KIF13A: variants seen among roughly 807,000 people sequenced by gnomAD.
KIF13A encodes the protein kinesin family member 13A, also known as kinesin-like protein KIF13A.
In KIF13A, 79 loss-of-function variants were observed where a neutral mutation model predicts 212.2. The observed-to-expected ratio is 0.37, with a 90% CI of 0.31 to 0.45. KIF13A has a LOEUF of 0.45. Among genes scored for constraint, KIF13A ranks in the 20% least tolerant of loss-of-function variants. The pLI is 1.00. For missense variants in KIF13A, 1,901 were observed against 2,209.0 expected, an observed-to-expected ratio of 0.86 and a Z score of 2.79; for synonymous variants, 789 against 808.6, an observed-to-expected ratio of 0.98 and a Z score of 0.41.
chr6:17,770,861 G>C (rs1042328728), intron 38 of KIF13A: 4 of 634,842 alleles, frequency 6.3e-6, no homozygotes, highest in Non-Finnish European at 9.2e-6. Flanking sequence ...TTTTATAAAG[G>C]CCAGAAGCAA....
chr6:17,792,864 G>GCC (rs1442327592), intron 25 of KIF13A, among the ~76,000 whole-genome samples: 1 of 152,192 alleles, frequency 6.6e-6, no homozygotes, highest in Non-Finnish European at 1.5e-5. Context: ...AACTAAGATA[G>GCC]AAGAGAAAAC....
chr6:17,983,410 G>A (rs970660221), intron 2 of KIF13A, among the ~76,000 whole-genome samples: 1 of 151,388 alleles, frequency 6.6e-6, no homozygotes, highest in African/African-American at 2.4e-5. Context: ...GCAAGTTAGG[G>A]ATTCTCATTC....
intron 4 of KIF13A, among the ~76,000 whole-genome samples, chr6:17,860,945 C>T (rs1562067174): frequency 6.6e-6 from 1 of 152,048 alleles, no homozygotes; most frequent in East Asian, 1.9e-4. Flanking sequence ...CACTTTTTTA[C>T]TAATACCCAC....
At chr6:17,930,699 G>C (rs571794341) in intron 2 of KIF13A, among the ~76,000 whole-genome samples, 1 of 152,278 alleles carries the variant, frequency 6.6e-6, no homozygotes, top group East Asian at 1.9e-4. Flanking sequence ...ATAGACCACA[G>C]GGCTGGGAAA....
intron 31 of KIF13A, 29 bp downstream of exon 31, chr6:17,780,701 A>G: frequency 6.2e-7 from 1 of 1,603,762 alleles, no homozygotes; most frequent in Non-Finnish European, 8.5e-7. Context: ...GCTCAGAGCC[A>G]GAATGGCACA....
chr6:17,763,702 GAC>G lies in KIF13A; in HGVS notation c.*406_*407del, dbSNP rs1758703669. 1.2e-5 allele frequency: 4 copies of G among 337,622 alleles called. No individual in the cohort carries two copies. The highest frequency in any genetic ancestry group is 1.8e-5 in the Non-Finnish European group (4 of 228,346). 20.9% of individuals were successfully genotyped at this position (337,622 alleles called of 1,614,324 possible). A position where few individuals can be genotyped will look rare whatever the true frequency, so the allele number is the denominator to read the frequency against. ...TGGGGTGTCTTACAACTGTTGATAT[GAC>G]AGAGTTTAATTGGCAGTATTTTTTC... On this transcript the variant is annotated 3_prime_UTR_variant, in exon 39 of 39. Transcript: ENST00000259711.
intron 4 of KIF13A, among the ~76,000 whole-genome samples, chr6:17,863,992 T>C (rs940350828): frequency 6.6e-6 from 1 of 152,148 alleles, no homozygotes; most frequent in Non-Finnish European, 1.5e-5. Context: ...ACGCAATATC[T>C]CCACCCTAAA....
Position 17,937,576 on chromosome 6 carries a change from T to G in KIF13A, c.147-39396A>C, listed in dbSNP as rs1776575212. Reference sequence around the variant, plus strand: ...GTACTTTTAAAATACAGCATTGAAGTGATTTATTTGAGGTCTTTGCTAAGT... The same window carrying G: ...GTACTTTTAAAATACAGCATTGAAGGGATTTATTTGAGGTCTTTGCTAAGT... On this transcript the variant is annotated intron_variant, in intron 2 of 38. Transcript: ENST00000259711. 2.6e-5 allele frequency among the ~76,000 whole-genome samples: 4 copies of G among 152,066 alleles called. No homozygotes were observed. In the South Asian group the frequency reaches 8.3e-4, roughly 32 times the overall value.
chr6:17,882,664 C>T (rs1470088256), intron 3 of KIF13A, among the ~76,000 whole-genome samples: 19 of 151,826 alleles, frequency 1.3e-4, no homozygotes, highest in Admixed American at 1.1e-3. Flanking sequence ...CAGGTTCGAG[C>T]GATTCCCTTG....
chr6:17,980,715 C>T (rs2150638999), intron 2 of KIF13A, among the ~76,000 whole-genome samples: 1 of 152,140 alleles, frequency 6.6e-6, no homozygotes, highest in South Asian at 2.1e-4. Flanking sequence ...CCAGGCAAAA[C>T]AAAAAGTTTT....
chr6:17,975,703 A>T (rs1228628394), intron 2 of KIF13A, among the ~76,000 whole-genome samples: 3 of 152,158 alleles, frequency 2.0e-5, no homozygotes, highest in African/African-American at 7.2e-5. Flanking sequence ...TGCGTTTACA[A>T]TCCCTGAGCT....
chr6:17,987,332 G>A lies in KIF13A; in HGVS notation c.55+77C>T. 2 of 1,102,952 alleles carry A rather than the reference G, an allele frequency of 1.8e-6. No homozygotes were observed. The allele number at this position is 1,102,952 out of a possible 1,614,324, so 68.3% of individuals were successfully genotyped here. Reference sequence around the variant, plus strand: ...CCCCGGCCCCGGCCGCGCTCTCGCCGTCCCGGCCCCGCAGTTTCTAAAGTT... The same window carrying A: ...CCCCGGCCCCGGCCGCGCTCTCGCCATCCCGGCCCCGCAGTTTCTAAAGTT... On this transcript the variant is annotated intron_variant, in intron 1 of 38. Coordinates refer to ENST00000259711, the MANE Select transcript of KIF13A (RefSeq NM_022113.6). The surrounding 1 kb of genome is among the most constrained non-coding windows in gnomAD (Gnocchi z 7.7).
chr6:17,794,447 C>A lies in KIF13A; in HGVS notation c.3076-52G>T. 2 of 1,580,380 alleles carry A rather than the reference C, an allele frequency of 1.3e-6. No individual in the cohort carries two copies. The highest frequency in any genetic ancestry group is 1.7e-6 in the Non-Finnish European group (2 of 1,157,452). ...TGCCAGGAATGATAATGAAAAGGAA[C>A]GGGATAAAGAAGGGGAAAAGGATTA... On this transcript the variant is annotated intron_variant, in intron 24 of 38. Coordinates refer to ENST00000259711, the MANE Select transcript of KIF13A (RefSeq NM_022113.6). The surrounding 1 kb of genome is among the most constrained non-coding windows in gnomAD (Gnocchi z 4.1).
Position 17,821,775 on chromosome 6 carries a change from C to A in KIF13A, c.1786+3993G>T. 2.0e-6 allele frequency: 3 copies of A among 1,535,092 alleles called. 1 individual carries two copies. In the South Asian group the frequency reaches 3.6e-5, roughly 18 times the overall value. Reference sequence around the variant, plus strand: ...CAAGCTCCCTCATGCCAATGCCAATCAGTTAAAAACCTTTATCCCAGTGTT... The same window carrying A: ...CAAGCTCCCTCATGCCAATGCCAATAAGTTAAAAACCTTTATCCCAGTGTT... On this transcript the variant is annotated intron_variant, in intron 16 of 38. Transcript: ENST00000259711.
intron 3 of KIF13A, among the ~76,000 whole-genome samples, chr6:17,874,757 C>T (rs1440998046): frequency 6.6e-6 from 1 of 151,590 alleles, no homozygotes; most frequent in African/African-American, 2.4e-5. Flanking sequence ...GTCTTTTATC[C>T]CTCGCCCCTC....
At chr6:17,945,855 G>A (rs1190471010) in intron 2 of KIF13A, among the ~76,000 whole-genome samples, 3 of 152,100 alleles carry the variant, frequency 2.0e-5, no homozygotes, top group African/African-American at 7.2e-5. Context: ...CGAAACAGAA[G>A]AGACGGCCCT....
chr6:17,863,736 C>A (rs1311345645), intron 4 of KIF13A, among the ~76,000 whole-genome samples: 17 of 152,130 alleles, frequency 1.1e-4, no homozygotes, highest in Admixed American at 1.1e-3. Flanking sequence ...TATCAAGAAC[C>A]CTCATATGGT....
chr6:17,849,774 G>A lies in KIF13A; in HGVS notation c.718-285C>T, dbSNP rs1010819722. ...TGGAGATTTAAAATGCCTATGAGGA[G>A]ATATGAGGACATGAGGATTTCTGCA... On this transcript the variant is annotated intron_variant, in intron 8 of 38. Coordinates refer to ENST00000259711, the MANE Select transcript of KIF13A (RefSeq NM_022113.6). The surrounding 1 kb of genome is among the most constrained non-coding windows in gnomAD (Gnocchi z 5.7). 1.8e-4 allele frequency among the ~76,000 whole-genome samples: 27 copies of A among 152,292 alleles called. No individual in the cohort carries two copies. The highest frequency in any genetic ancestry group is 5.8e-4 in the African/African-American group (24 of 41,580).
In KIF13A at chr6:17,776,965, G is replaced by A. The variant is rs922506532; in HGVS notation, c.4170+312C>T. 1.3e-5 allele frequency among the ~76,000 whole-genome samples: 2 copies of A among 152,202 alleles called. No homozygotes were observed. Among genetic ancestry groups the A allele is most frequent in the South Asian group, 2.1e-4 (1 of 4,828 alleles). ...AAAAACTGACCCTGGAGCAGCCAGCGTCCAGGGACTCGGGTGCAAGTATTC... is the reference window on the plus strand; with the variant it reads ...AAAAACTGACCCTGGAGCAGCCAGCATCCAGGGACTCGGGTGCAAGTATTC... On this transcript the variant is annotated intron_variant, in intron 34 of 38. Coordinates refer to ENST00000259711, the MANE Select transcript of KIF13A (RefSeq NM_022113.6). This position sits in a 1 kb window ranked among gnomAD's most constrained non-coding sequence, Gnocchi z 4.6.
Sources: allele counts gnomAD v4.1 joint callset (sites outside exome capture counted in the v4.1 genomes callset), GRCh38; gene constraint gnomAD v4.1.1; non-coding constraint Gnocchi (gnomAD v3.1); transcripts MANE v1.5; gene names NCBI Gene and HGNC (gene_info 2026-07-23, HGNC 2026-07-21).